MYOZ2: variants seen among roughly 807,000 people sequenced by gnomAD.
The protein encoded by MYOZ2 is myozenin 2.
MYOZ2 carries 19 observed loss-of-function variants against 25.4 expected under a neutral mutation model. The observed-to-expected ratio is 0.75, with a 90% confidence interval of 0.52 to 1.10. The LOEUF is 1.10. Among genes scored for constraint, MYOZ2 ranks in the 50% least tolerant of loss-of-function variants. The pLI is 0.00. For synonymous variants in MYOZ2, 92 were observed against 106.9 expected, an observed-to-expected ratio of 0.86 and a Z score of 0.86; for missense variants, 270 against 317.9, an observed-to-expected ratio of 0.85 and a Z score of 1.15.
chr4:119,175,224 A>G (rs939090646), intron 5 of MYOZ2, among the ~76,000 whole-genome samples: 16 of 152,304 alleles, frequency 1.1e-4, no homozygotes, highest in African/African-American at 3.6e-4. Flanking sequence ...TGATCTACAA[A>G]TCGGTAGGAA....
intron 4 of MYOZ2, among the ~76,000 whole-genome samples, chr4:119,159,177 C>T (rs2149223758): frequency 6.6e-6 from 1 of 152,214 alleles, no homozygotes; most frequent in Non-Finnish European, 1.5e-5. Context: ...TGGCTCACAG[C>T]TATAATACCA....
intron 3 of MYOZ2, among the ~76,000 whole-genome samples, chr4:119,152,669 C>T (rs1195112426): frequency 6.6e-6 from 1 of 151,932 alleles, no homozygotes; most frequent in Non-Finnish European, 1.5e-5. Flanking sequence ...TCACTATTCC[C>T]TGAAGACTGG....
At chr4:119,184,742 G>A (rs1742257822) in intron 5 of MYOZ2, among the ~76,000 whole-genome samples, 1 of 152,194 alleles carries the variant, frequency 6.6e-6, no homozygotes, top group African/African-American at 2.4e-5. Flanking sequence ...GTGGGATCTT[G>A]AATGACAAGA....
intron 5 of MYOZ2, among the ~76,000 whole-genome samples, chr4:119,185,449 G>A (rs934784990): frequency 1.1e-4 from 17 of 152,186 alleles, no homozygotes; most frequent in African/African-American, 3.6e-4. Context: ...TGAGTAGCTG[G>A]GATTTCAGGT....
intron 5 of MYOZ2, among the ~76,000 whole-genome samples, chr4:119,179,333 C>G (rs1411415061): frequency 6.6e-6 from 1 of 152,166 alleles, no homozygotes; most frequent in African/African-American, 2.4e-5. Flanking sequence ...TTCAGCAGAT[C>G]ATTCCTTCAC....
chr4:119,167,670 C>CTA (rs1741851167), intron 5 of MYOZ2, among the ~76,000 whole-genome samples: 2 of 152,212 alleles, frequency 1.3e-5, no homozygotes, highest in African/African-American at 4.8e-5. Flanking sequence ...AACAAGCTAA[C>CTA]TATCTCACTA....
At chr4:119,148,428 A>G (rs1391609366) in intron 2 of MYOZ2, among the ~76,000 whole-genome samples, 1 of 152,022 alleles carries the variant, frequency 6.6e-6, no homozygotes. Flanking sequence ...TTCTTTAAGT[A>G]CTTTTCCAGC....
chr4:119,147,779 CCT>C (rs1741339305), intron 2 of MYOZ2, among the ~76,000 whole-genome samples: 1 of 149,768 alleles, frequency 6.7e-6, no homozygotes, highest in South Asian at 2.1e-4. Flanking sequence ...GTCTTTTTAT[CCT>C]CTCCTGTTTA....
At chr4:119,168,672 AAAC>A (rs1191527585) in intron 5 of MYOZ2, among the ~76,000 whole-genome samples, 16 of 141,704 alleles carry the variant, frequency 1.1e-4, no homozygotes, top group South Asian at 2.1e-4. Context: ...AATCTAAAAA[AAAC>A]AACAACAAAA....
chr4:119,143,320 C>T (rs916774915), intron 2 of MYOZ2, among the ~76,000 whole-genome samples: 1 of 151,872 alleles, frequency 6.6e-6, no homozygotes, highest in African/African-American at 2.4e-5. Flanking sequence ...TTCAGCCTCC[C>T]GAGTAGCTGG....
At chr4:119,164,457 C>T in intron 5 of MYOZ2, 63 bp downstream of exon 5, 13 of 1,541,512 alleles carry the variant, frequency 8.4e-6, no homozygotes, top group African/African-American at 1.4e-5. Flanking sequence ...CATCATGGTA[C>T]AGATAACTGA....
chr4:119,136,483 C>T, intron 1 of MYOZ2, 29 bp from the exon 2 acceptor site: 1 of 1,568,826 alleles, frequency 6.4e-7, no homozygotes, highest in African/African-American at 1.4e-5. Context: ...CTTCACATTG[C>T]CTCAATAATG....
At chr4:119,156,794 A>G (rs1741587208) in intron 3 of MYOZ2, among the ~76,000 whole-genome samples, 1 of 152,210 alleles carries the variant, frequency 6.6e-6, no homozygotes, top group East Asian at 1.9e-4. Context: ...CAGACGAAAG[A>G]ACAAAGGCTC....
chr4:119,158,587 G>C (rs1056552026), intron 4 of MYOZ2, among the ~76,000 whole-genome samples: 9 of 151,994 alleles, frequency 5.9e-5, no homozygotes, highest in Admixed American at 2.0e-4. Flanking sequence ...ATAAATAGAA[G>C]ACAAATGCAA....
Position 119,169,600 on chromosome 4 carries a change from T to C in MYOZ2, c.560+5206T>C, listed in dbSNP as rs141543944. Reference sequence around the variant, plus strand: ...TTAGAGATTTTAACCCAACATGTGGTACCACGTTTCTCCTTGAGGCACCTG... The same window carrying C: ...TTAGAGATTTTAACCCAACATGTGGCACCACGTTTCTCCTTGAGGCACCTG... On this transcript the variant is annotated intron_variant, in intron 5 of 5. Coordinates refer to ENST00000307128, the MANE Select transcript of MYOZ2 (RefSeq NM_016599.5). 7.2e-5 allele frequency among the ~76,000 whole-genome samples: 11 copies of C among 152,336 alleles called. No homozygotes were observed. The East Asian group carries it at 2.1e-3, about 29-fold the overall frequency.
intron 5 of MYOZ2, 63 bp downstream of exon 5, chr4:119,164,457 C>A: frequency 6.5e-7 from 1 of 1,541,510 alleles, no homozygotes; most frequent in South Asian, 1.1e-5. Context: ...CATCATGGTA[C>A]AGATAACTGA....
chr4:119,160,236 T>G (rs1390937270), intron 4 of MYOZ2, among the ~76,000 whole-genome samples: 1 of 152,126 alleles, frequency 6.6e-6, no homozygotes, highest in East Asian at 1.9e-4. Flanking sequence ...CCATCCACCT[T>G]TACATCCTTC....
At chr4:119,169,030 A>G (rs1327934551) in intron 5 of MYOZ2, among the ~76,000 whole-genome samples, 2 of 152,238 alleles carry the variant, frequency 1.3e-5, no homozygotes, top group African/African-American at 4.8e-5. Flanking sequence ...GCCACAATCA[A>G]TCCAACATTC....
At position 119,187,169 on chromosome 4, in the gene MYOZ2, A is replaced by G. The variant is rs1742311753; in HGVS notation, c.*969A>G. ...GCATGAAAGTATCTGAAAGCAATGT[A>G]GCACATATCTATCGTAATATATGTA... On this transcript the variant is annotated 3_prime_UTR_variant, in exon 6 of 6. Transcript: ENST00000307128. 1 of 152,250 alleles carries G rather than the reference A, an allele frequency of 6.6e-6. No individual in the cohort carries two copies. Among genetic ancestry groups the G allele is most frequent in the South Asian group, 2.1e-4 (1 of 4,836 alleles). The allele number at this position is 152,250 out of a possible 1,614,324, so 9.4% of individuals were successfully genotyped here.
Sources: allele counts gnomAD v4.1 joint callset (sites outside exome capture counted in the v4.1 genomes callset), GRCh38; gene constraint gnomAD v4.1.1; transcripts MANE v1.5; gene names NCBI Gene and HGNC (gene_info 2026-07-23, HGNC 2026-07-21).